Variants in CACNA2D3 observed in about 807,000 individuals in gnomAD.
CACNA2D3 encodes voltage-dependent calcium channel subunit alpha-2/delta-3.
CACNA2D3 carries 60 observed loss-of-function variants against 160.6 expected under a neutral mutation model. The ratio of observed to expected loss-of-function variants is 0.37; its 90% CI spans 0.30 to 0.46. CACNA2D3 has a LOEUF of 0.46. CACNA2D3 is among the 20% of genes least tolerant of loss of function. The pLI, the probability that CACNA2D3 is intolerant of heterozygous loss-of-function variation, is 1.00. For synonymous variants in CACNA2D3, 558 were observed against 492.9 expected (o/e 1.13, Z -1.75); for missense variants, 1,205 against 1,365.0 (o/e 0.88, Z 1.85).
intron 12 of CACNA2D3, among the ~76,000 whole-genome samples, chr3:54,753,283 G>A (rs918991170): frequency 2.6e-5 from 4 of 152,194 alleles, no homozygotes; most frequent in Admixed American, 1.3e-4. Context: ...ATATCCGTAT[G>A]CTCTCTCATC....
chr3:54,820,203 C>T (rs1254517165), intron 14 of CACNA2D3, among the ~76,000 whole-genome samples: 1 of 152,158 alleles, frequency 6.6e-6, no homozygotes, highest in African/African-American at 2.4e-5. Context: ...GCCTTTGTAT[C>T]ATCTGCAACT....
chr3:54,227,113 T>C (rs983667259), intron 2 of CACNA2D3, among the ~76,000 whole-genome samples: 2 of 152,230 alleles, frequency 1.3e-5, no homozygotes, highest in Admixed American at 6.5e-5. Context: ...AACATGTTGA[T>C]ACGTAAAATC....
chr3:54,625,612 A>G (rs1699080887), intron 9 of CACNA2D3, among the ~76,000 whole-genome samples: 1 of 151,852 alleles, frequency 6.6e-6, no homozygotes, highest in South Asian at 2.1e-4. Context: ...TGTGGGTTGT[A>G]TATGTGCCCA....
chr3:54,470,664 C>T (rs1208287056), intron 4 of CACNA2D3, among the ~76,000 whole-genome samples: 1 of 151,306 alleles, frequency 6.6e-6, no homozygotes, highest in African/African-American at 2.4e-5. Context: ...CAAGACCCTT[C>T]AGTGTGCTGT....
chr3:54,921,319 T>C (rs1048412399), intron 27 of CACNA2D3, among the ~76,000 whole-genome samples: 1 of 152,158 alleles, frequency 6.6e-6, no homozygotes, highest in Non-Finnish European at 1.5e-5. Flanking sequence ...ATGAGGATAA[T>C]TAAAATTCAC....
chr3:54,255,918 G>T lies in CACNA2D3; in HGVS notation c.205-64524G>T, dbSNP rs117663497. 3.0e-3 allele frequency among the ~76,000 whole-genome samples: 454 copies of T among 152,186 alleles called. 11 individuals carry two copies. In the East Asian group the frequency reaches 0.046, roughly 15 times the overall value. ...AAATGGATACATGAGGTTAAGCGAG[G>T]TTAAGTAACTTATCCAAGGTCACAG... On this transcript the variant is annotated intron_variant, in intron 2 of 37. Transcript: ENST00000474759.
intron 11 of CACNA2D3, among the ~76,000 whole-genome samples, chr3:54,683,512 CTTT>C (rs757807145): frequency 3.4e-4 from 52 of 152,294 alleles, no homozygotes; most frequent in Middle Eastern, 6.8e-3. Context: ...GGAGTAGTTT[CTTT>C]GACTATAAAA....
chr3:54,260,561 G>C (rs1702384844), intron 2 of CACNA2D3, among the ~76,000 whole-genome samples: 1 of 152,070 alleles, frequency 6.6e-6, no homozygotes, highest in African/African-American at 2.4e-5. Context: ...CTTCTCAAAG[G>C]TTTTACCTCC....
At chr3:54,979,586 A>G (rs1702463333) in intron 29 of CACNA2D3, among the ~76,000 whole-genome samples, 1 of 152,188 alleles carries the variant, frequency 6.6e-6, no homozygotes, top group Non-Finnish European at 1.5e-5. Flanking sequence ...AACAAAAAGG[A>G]TCAGCAATGT....
At chr3:54,816,717 C>T (rs2106713133) in intron 13 of CACNA2D3, 136 bp from the exon 14 acceptor site, 2 of 886,000 alleles carry the variant, frequency 2.3e-6, no homozygotes, top group East Asian at 2.6e-5. Flanking sequence ...AAATAACTTG[C>T]TTTACCTCTT....
At chr3:54,149,922 TCTCTCTCTCCCTCCCTCCCTCC>T (rs1700110869) in intron 2 of CACNA2D3, among the ~76,000 whole-genome samples, 1 of 68,284 alleles carries the variant, frequency 1.5e-5, no homozygotes, top group Non-Finnish European at 2.8e-5. Flanking sequence ...TCTCTCTCTC[TCTCTCTCTCCCTCCCTCCCTCC>T]CTCCCTCCCT....
At chr3:54,821,479 T>C (rs1281305230) in intron 14 of CACNA2D3, among the ~76,000 whole-genome samples, 1 of 152,200 alleles carries the variant, frequency 6.6e-6, no homozygotes. Context: ...GCTTCTTAAA[T>C]GGAGGTCGAT....
intron 4 of CACNA2D3, among the ~76,000 whole-genome samples, chr3:54,427,812 G>A (rs1699930744): frequency 6.6e-6 from 1 of 152,178 alleles, no homozygotes; most frequent in African/African-American, 2.4e-5. Flanking sequence ...AAGGGATCAG[G>A]ACCTGGACCA....
intron 5 of CACNA2D3, among the ~76,000 whole-genome samples, chr3:54,542,187 G>A (rs534989675): frequency 4.2e-4 from 63 of 151,786 alleles, no homozygotes; most frequent in Non-Finnish European, 8.5e-4. Context: ...TCAGCCTCCC[G>A]AGTAGCTGGG....
chr3:54,790,590 G>C (rs1392143631), intron 13 of CACNA2D3, among the ~76,000 whole-genome samples: 1 of 152,150 alleles, frequency 6.6e-6, no homozygotes, highest in Non-Finnish European at 1.5e-5. Flanking sequence ...CTAGGTGCTC[G>C]GAATTCCTGA....
intron 6 of CACNA2D3, among the ~76,000 whole-genome samples, chr3:54,564,864 T>C (rs1310011660): frequency 6.6e-6 from 1 of 152,184 alleles, no homozygotes; most frequent in Non-Finnish European, 1.5e-5. Context: ...TACTGGCTCA[T>C]GTAATTTGAA....
intron 2 of CACNA2D3, among the ~76,000 whole-genome samples, chr3:54,236,695 G>A (rs184409551): frequency 3.9e-5 from 6 of 152,100 alleles, no homozygotes; most frequent in Admixed American, 1.3e-4. Flanking sequence ...TGCAAAGCTC[G>A]TTTGAAATAC....
intron 5 of CACNA2D3, among the ~76,000 whole-genome samples, chr3:54,526,950 C>G (rs560032286): frequency 6.6e-6 from 1 of 152,212 alleles, no homozygotes; most frequent in Non-Finnish European, 1.5e-5. Flanking sequence ...CTCAGCCTCC[C>G]GAAGTGCTGG....
intron 9 of CACNA2D3, among the ~76,000 whole-genome samples, chr3:54,595,325 T>G (rs9873172): frequency 0.52 from 53,073 of 101,942 alleles, 9,715 homozygotes; most frequent in Admixed American, 0.61. Flanking sequence ...TGTGTGTGTG[T>G]GTGTGTGTGT....
Sources: allele counts gnomAD v4.1 joint callset (sites outside exome capture counted in the v4.1 genomes callset), GRCh38; gene constraint gnomAD v4.1.1; transcripts MANE v1.5; gene names NCBI Gene and HGNC (gene_info 2026-07-23, HGNC 2026-07-21).